TMEM63B: variants seen among roughly 807,000 people sequenced by gnomAD.
TMEM63B encodes transmembrane protein 63B.
Under a neutral mutation model 102.6 loss-of-function variants are expected in TMEM63B, and 23 were observed. The ratio of observed to expected loss-of-function variants is 0.22; its 90% CI spans 0.16 to 0.32. The LOEUF is 0.32. Ranked by LOEUF, TMEM63B falls within the 10% of genes least tolerant of loss-of-function variation. TMEM63B has a pLI of 1.00. For synonymous variants in TMEM63B, 444 were observed against 437.0 expected (o/e 1.02, Z -0.20); for missense variants, 628 against 1,095.9 (o/e 0.57, Z 6.03).
intron 5 of TMEM63B, among the ~76,000 whole-genome samples, chr6:44,137,049 CA>C (rs1763113875): frequency 6.6e-6 from 1 of 151,876 alleles, no homozygotes; most frequent in African/African-American, 2.4e-5. Flanking sequence ...CATCTCAAAA[CA>C]AACAAAAAAA....
chr6:44,136,251 G>A, intron 4 of TMEM63B, 98 bp from the exon 5 acceptor site: 1 of 948,460 alleles, frequency 1.1e-6, no homozygotes, highest in Non-Finnish European at 1.7e-6. Flanking sequence ...TGTGCCTTCT[G>A]TGCCTTCTGT....
Position 44,149,213 on chromosome 6 carries a change from C to T in TMEM63B, c.1413+268C>T, listed in dbSNP as rs9472219. On this transcript the variant is annotated intron_variant, in intron 15 of 23. Coordinates refer to ENST00000323267, the MANE Select transcript of TMEM63B (RefSeq NM_018426.3). ...TTTAGTCCTGATCTCAGAGAAGTCCCCTTCCCTCACCCCTCAGTCTAACTG... is the reference window on the plus strand; with the variant it reads ...TTTAGTCCTGATCTCAGAGAAGTCCTCTTCCCTCACCCCTCAGTCTAACTG... 4.0e-3 allele frequency: 2,140 copies of T among 538,616 alleles called. 34 individuals are homozygous for T. Among genetic ancestry groups the T allele is most frequent in the African/African-American group, 0.035 (1,835 of 52,598 alleles). The allele number at this position is 538,616 out of a possible 1,614,324, so 33.4% of individuals were successfully genotyped here.
In TMEM63B at chr6:44,149,981, T is replaced by C. The variant is rs1554126386; in HGVS notation, c.1520+16T>C. On this transcript the variant is annotated intron_variant, in intron 16 of 23. Coordinates refer to ENST00000323267, the MANE Select transcript of TMEM63B (RefSeq NM_018426.3). ...ACTGGACACGGTAAGGTGCCTCCAC[T>C]CACACCACACCTCGCTGTGGCCTGC... 6.2e-7 allele frequency: 1 copy of C among 1,606,694 alleles called. No homozygotes were observed. Among genetic ancestry groups the C allele is most frequent in the Non-Finnish European group, 8.5e-7 (1 of 1,175,006 alleles).
chr6:44,145,720 G>C (rs992712240), intron 10 of TMEM63B, among the ~76,000 whole-genome samples: 49 of 152,138 alleles, frequency 3.2e-4, no homozygotes, highest in African/African-American at 1.1e-3. Flanking sequence ...ATGATCACTT[G>C]AACCCAGGAG....
At chr6:44,141,387 G>A (rs1764235299) in intron 10 of TMEM63B, among the ~76,000 whole-genome samples, 1 of 152,164 alleles carries the variant, frequency 6.6e-6, no homozygotes, top group Non-Finnish European at 1.5e-5. Context: ...GTTGACCCAG[G>A]TCCATTGGAG....
At chr6:44,151,054 T>G (rs1176342394) in intron 18 of TMEM63B, among the ~76,000 whole-genome samples, 1 of 151,966 alleles carries the variant, frequency 6.6e-6, no homozygotes, top group Non-Finnish European at 1.5e-5. Context: ...CTACTAGGGG[T>G]ATCCCTGAAG....
intron 21 of TMEM63B, 22 bp from the exon 22 acceptor site, chr6:44,154,051 A>G (rs1178661465): frequency 3.1e-6 from 5 of 1,610,640 alleles, no homozygotes; most frequent in Non-Finnish European, 4.2e-6. Context: ...TAGCAACCCC[A>G]TTCTTTGCCC....
At chr6:44,153,979 T>G in intron 21 of TMEM63B, 94 bp from the exon 22 acceptor site, 2 of 1,554,652 alleles carry the variant, frequency 1.3e-6, no homozygotes, top group East Asian at 2.2e-5. Context: ...CTGTAGCACC[T>G]GGGAGAGTGA....
At chr6:44,138,743 C>CCCCCCCCG in intron 6 of TMEM63B, 1 of 398,830 alleles carries the variant, frequency 2.5e-6, no homozygotes, top group Non-Finnish European at 4.7e-6. Context: ...CCGGCCCCCC[C>CCCCCCCCG]GCTTCTCTCC....
At chr6:44,138,320 T>C in intron 5 of TMEM63B, 160 bp from the exon 6 acceptor site, 1 of 810,544 alleles carries the variant, frequency 1.2e-6, no homozygotes, top group South Asian at 1.6e-5. Context: ...CTCTCCCTTT[T>C]TGGGTATAAG....
chr6:44,148,252 GTGGAGGCCATTGAGTACTACACAAAGC>G lies in TMEM63B; in HGVS notation c.994_1020del (p.Ala332_Glu340del). On this transcript the variant is annotated inframe_deletion and splice_region_variant, in exon 13 of 24. Transcript: ENST00000323267. The surrounding 1 kb of genome is among the most constrained non-coding windows in gnomAD (Gnocchi z 5.1). ...CCCTGTCCCTAACCCTCCCACAAAG[GTGGAGGCCATTGAGTACTACACAAAGC>G]TGGAGCAGAAGCTGAAGGAAGACTA... 1 of 1,614,224 alleles carries G rather than the reference GTGGAGGCCATTGAGTACTACACAAAGC, an allele frequency of 6.2e-7. No individual in the cohort carries two copies. Among genetic ancestry groups the G allele is most frequent in the Non-Finnish European group, 8.5e-7 (1 of 1,180,030 alleles).
Position 44,152,514 on chromosome 6 carries a change from C to G in TMEM63B, c.1837-79C>G. On this transcript the variant is annotated intron_variant, in intron 19 of 23. Coordinates refer to ENST00000323267, the MANE Select transcript of TMEM63B (RefSeq NM_018426.3). This position sits in a 1 kb window ranked among gnomAD's most constrained non-coding sequence, Gnocchi z 6.4. ...TTTCCGGCCCCAGAGGTCCTGGCTCCCTTCCCCCTCCCTCCTTCCCTGCCC... is the reference window on the plus strand; with the variant it reads ...TTTCCGGCCCCAGAGGTCCTGGCTCGCTTCCCCCTCCCTCCTTCCCTGCCC... The G allele has an allele frequency of 2.0e-6, 2 of 1,008,106 alleles. No homozygotes were observed. Among genetic ancestry groups the G allele is most frequent in the Non-Finnish European group, 3.1e-6 (2 of 648,028 alleles). 62.4% of individuals were successfully genotyped at this position (1,008,106 alleles called of 1,614,324 possible).
chr6:44,135,551 C>T (rs550358120), intron 4 of TMEM63B, among the ~76,000 whole-genome samples, 185 bp downstream of exon 4: 1 of 152,348 alleles, frequency 6.6e-6, no homozygotes, highest in African/African-American at 2.4e-5. Flanking sequence ...CTTGTCTCTG[C>T]CTCACCTCCC....
At chr6:44,143,257 T>C (rs770854523) in intron 10 of TMEM63B, among the ~76,000 whole-genome samples, 1 of 152,264 alleles carries the variant, frequency 6.6e-6, no homozygotes, top group East Asian at 1.9e-4. Context: ...CATGCAGTTA[T>C]TGACAACCTT....
At position 44,132,937 on chromosome 6, in the gene TMEM63B, G is replaced by T. The variant is rs77504639; in HGVS notation, c.-24-1624G>T. 3.9e-5 allele frequency among the ~76,000 whole-genome samples: 6 copies of T among 152,324 alleles called. No homozygotes were observed. The East Asian group carries it at 1.2e-3, about 29-fold the overall frequency. ...TAGAAAGAAGGTGAGCTAGGTTTGA[G>T]TCCTAGGTCCCTCATTTTATTAGCA... On this transcript the variant is annotated intron_variant, in intron 1 of 23. Coordinates refer to ENST00000323267, the MANE Select transcript of TMEM63B (RefSeq NM_018426.3).
At chr6:44,147,330 C>A (rs987966704) in intron 11 of TMEM63B, 47 bp from the exon 12 acceptor site, 1 of 1,613,448 alleles carries the variant, frequency 6.2e-7, no homozygotes, top group African/African-American at 1.3e-5. Context: ...CCAAGCTGAG[C>A]CAGCCCCAGC....
rs1766782546 is a variant in TMEM63B, at chr6:44,152,066, AAC to A, written c.1836+60_1836+61del. 6.6e-7 allele frequency: 1 copy of A among 1,522,980 alleles called. No homozygotes were observed. The highest frequency in any genetic ancestry group is 1.4e-5 in the African/African-American group (1 of 71,210). The allele number at this position is 1,522,980 out of a possible 1,614,324, so 94.3% of individuals were successfully genotyped here. ...AGCGCCCCCTGGTGGCCCAACAAGA[AAC>A]AGCAGCCATCGCGCTAGGGTTGAGG... On this transcript the variant is annotated intron_variant, in intron 19 of 23. Coordinates refer to ENST00000323267, the MANE Select transcript of TMEM63B (RefSeq NM_018426.3). This position sits in a 1 kb window ranked among gnomAD's most constrained non-coding sequence, Gnocchi z 6.4.
chr6:44,153,015 TCACA>T (rs1227536396), intron 20 of TMEM63B, among the ~76,000 whole-genome samples: 3 of 152,154 alleles, frequency 2.0e-5, no homozygotes, highest in Non-Finnish European at 2.9e-5. Context: ...GCTGACATGT[TCACA>T]CACACACTCC....
chr6:44,152,153 C>T lies in TMEM63B; in HGVS notation c.1836+145C>T. The T allele has an allele frequency of 9.2e-7, 1 of 1,085,754 alleles. No homozygotes were observed. Among genetic ancestry groups the T allele is most frequent in the South Asian group, 1.7e-5 (1 of 59,898 alleles). The allele number at this position is 1,085,754 out of a possible 1,614,324, so 67.3% of individuals were successfully genotyped here. Reference sequence around the variant, plus strand: ...GACTCACGGTGGATCCGGGCCATCCCCTTCCCATATCTGGGGCCTTCGTAT... The same window carrying T: ...GACTCACGGTGGATCCGGGCCATCCTCTTCCCATATCTGGGGCCTTCGTAT... On this transcript the variant is annotated intron_variant, in intron 19 of 23. Coordinates refer to ENST00000323267, the MANE Select transcript of TMEM63B (RefSeq NM_018426.3). The surrounding 1 kb of genome is among the most constrained non-coding windows in gnomAD (Gnocchi z 6.4).
Sources: allele counts gnomAD v4.1 joint callset (sites outside exome capture counted in the v4.1 genomes callset), GRCh38; gene constraint gnomAD v4.1.1; non-coding constraint Gnocchi (gnomAD v3.1); transcripts MANE v1.5; gene names NCBI Gene and HGNC (gene_info 2026-07-23, HGNC 2026-07-21).